The following DNAJC15 variants were observed in gnomAD, a reference collection of about 807,000 sequenced individuals.
DNAJC15 encodes the protein dnaJ homolog subfamily C member 15.
DNAJC15 carries 27 observed loss-of-function variants against 22.4 expected under a neutral mutation model. The ratio of observed to expected loss-of-function variants is 1.20; its 90% CI spans 0.89 to 1.66. The LOEUF is 1.66. Among genes scored for constraint, DNAJC15 ranks in the 40% most tolerant of loss-of-function variants. The pLI is 0.00. For synonymous variants in DNAJC15, 79 were observed against 63.2 expected, an observed-to-expected ratio of 1.25 and a Z score of -1.19; for missense variants, 208 against 187.1, an observed-to-expected ratio of 1.11 and a Z score of -0.65.
Position 43,109,295 on chromosome 13 carries a change from G to A in DNAJC15, c.*2047G>A, listed in dbSNP as rs2040813639. 6.6e-6 allele frequency: 1 copy of A among 152,126 alleles called. No homozygotes were observed. The highest frequency in any genetic ancestry group is 1.5e-5 in the Non-Finnish European group (1 of 68,016). The allele number at this position is 152,126 out of a possible 1,614,324, so 9.4% of individuals were successfully genotyped here. A position where few individuals can be genotyped will look rare whatever the true frequency, so the allele number is the denominator to read the frequency against. The stretch of plus-strand genomic sequence containing the variant: ...TCATACTAAAATGCAAGAACCTTTA[G>A]AGCAAGGATCTTGCCATTCATCTTT... On this transcript the variant is annotated 3_prime_UTR_variant, in exon 6 of 6. Transcript: ENST00000379221.
At position 43,113,796 on chromosome 13, in the gene DNAJC15, G is replaced by A. The variant is rs1412941551; in HGVS notation, c.*6548G>A. 2.0e-5 allele frequency: 3 copies of A among 152,248 alleles called. No homozygotes were observed. The East Asian group carries it at 5.8e-4, about 29-fold the overall frequency. 9.4% of individuals were successfully genotyped at this position (152,248 alleles called of 1,614,324 possible). ...AATGTTTGTGCTTTGGTGGTGAGAT[G>A]TGAGACTATATTTGTATAGTCTGCA... On this transcript the variant is annotated 3_prime_UTR_variant, in exon 6 of 6. Coordinates refer to ENST00000379221, the MANE Select transcript of DNAJC15 (RefSeq NM_013238.3).
Position 43,111,567 on chromosome 13 carries a change from A to G in DNAJC15, c.*4319A>G, listed in dbSNP as rs1218741072. On this transcript the variant is annotated 3_prime_UTR_variant, in exon 6 of 6. Coordinates refer to ENST00000379221, the MANE Select transcript of DNAJC15 (RefSeq NM_013238.3). Reference sequence around the variant, plus strand: ...TATGGTTTAATACCATTTGTGGGAGAAGATGAATCAGCCAGGCTCTTTACG... The same window carrying G: ...TATGGTTTAATACCATTTGTGGGAGGAGATGAATCAGCCAGGCTCTTTACG... 6.6e-6 allele frequency: 1 copy of G among 152,182 alleles called. No individual in the cohort carries two copies. The highest frequency in any genetic ancestry group is 1.5e-5 in the Non-Finnish European group (1 of 68,032). The allele number at this position is 152,182 out of a possible 1,614,324, so 9.4% of individuals were successfully genotyped here. A position where few individuals can be genotyped will look rare whatever the true frequency, so the allele number is the denominator to read the frequency against.
intron 1 of DNAJC15, among the ~76,000 whole-genome samples, chr13:43,051,621 A>T (rs1288217297): frequency 6.7e-6 from 1 of 150,056 alleles, no homozygotes; most frequent in Non-Finnish European, 1.5e-5. Context: ...TTTATGGCTG[A>T]GTAGTACTTC....
intron 1 of DNAJC15, among the ~76,000 whole-genome samples, chr13:43,057,190 CAA>C (rs993923790): frequency 6.6e-6 from 1 of 152,200 alleles, no homozygotes; most frequent in African/African-American, 2.4e-5. Context: ...ACTAGTCTCT[CAA>C]ATACATTTTC....
intron 3 of DNAJC15, among the ~76,000 whole-genome samples, chr13:43,074,689 CAT>C (rs2040624564): frequency 6.6e-6 from 1 of 152,104 alleles, no homozygotes; most frequent in Admixed American, 6.5e-5. Context: ...TTAATTCAAA[CAT>C]AATAATGGAT....
At chr13:43,044,604 G>T (rs528243742) in intron 1 of DNAJC15, among the ~76,000 whole-genome samples, 11 of 152,164 alleles carry the variant, frequency 7.2e-5, no homozygotes, top group African/African-American at 2.7e-4. Flanking sequence ...CCTTTTGGTT[G>T]CAAAGACTTT....
chr13:43,048,534 A>G (rs781120149), intron 1 of DNAJC15, among the ~76,000 whole-genome samples: 24 of 152,228 alleles, frequency 1.6e-4, no homozygotes, highest in Non-Finnish European at 2.8e-4. Context: ...CCCTTGTCCC[A>G]TATCACATAA....
intron 5 of DNAJC15, among the ~76,000 whole-genome samples, chr13:43,090,938 G>A (rs995578355): frequency 6.6e-6 from 1 of 151,856 alleles, no homozygotes; most frequent in Non-Finnish European, 1.5e-5. Flanking sequence ...TCCTGACATC[G>A]TGATCCACCC....
intron 4 of DNAJC15, among the ~76,000 whole-genome samples, chr13:43,082,064 C>T (rs1247970741): frequency 6.6e-6 from 1 of 152,094 alleles, no homozygotes; most frequent in Non-Finnish European, 1.5e-5. Context: ...ATTCAGTTAC[C>T]TCCCACCGGT....
chr13:43,057,093 T>G (rs2040535059), intron 1 of DNAJC15, among the ~76,000 whole-genome samples: 1 of 152,194 alleles, frequency 6.6e-6, no homozygotes, highest in Non-Finnish European at 1.5e-5. Flanking sequence ...CCTACATGAT[T>G]TTTTTGCAAT....
intron 5 of DNAJC15, among the ~76,000 whole-genome samples, chr13:43,095,459 G>C (rs956107203): frequency 3.3e-5 from 5 of 152,140 alleles, no homozygotes; most frequent in African/African-American, 1.2e-4. Context: ...AGTGGAAATA[G>C]AGAATAGGAA....
intron 1 of DNAJC15, among the ~76,000 whole-genome samples, chr13:43,034,802 GGT>G (rs1491336746): frequency 1.3e-5 from 2 of 152,024 alleles, no homozygotes; most frequent in Non-Finnish European, 2.9e-5. Context: ...ACGTTGTGGG[GGT>G]TTTTTTGAGC....
At chr13:43,066,543 AT>A (rs1466613799) in intron 2 of DNAJC15, among the ~76,000 whole-genome samples, 4 of 152,212 alleles carry the variant, frequency 2.6e-5, no homozygotes, top group Non-Finnish European at 4.4e-5. Context: ...AGTCAGTTTT[AT>A]TACATAAGGG....
intron 5 of DNAJC15, among the ~76,000 whole-genome samples, chr13:43,090,942 T>C (rs1221345621): frequency 1.3e-5 from 2 of 152,136 alleles, no homozygotes; most frequent in African/African-American, 4.8e-5. Context: ...GACATCGTGA[T>C]CCACCCACCT....
rs554277829 is a variant in DNAJC15, at chr13:43,107,387, T to C, written c.*139T>C. On this transcript the variant is annotated 3_prime_UTR_variant, in exon 6 of 6. Coordinates refer to ENST00000379221, the MANE Select transcript of DNAJC15 (RefSeq NM_013238.3). ...TCTTATCTTCCACCATTAAGCTGTA[T>C]AACAATAAAATGTTAATAGTCTTGC... The C allele has an allele frequency of 1.2e-4, 65 of 563,476 alleles. No individual in the cohort carries two copies. The highest frequency in any genetic ancestry group is 1.7e-4 in the Admixed American group (4 of 23,590). 34.9% of individuals were successfully genotyped at this position (563,476 alleles called of 1,614,324 possible).
intron 1 of DNAJC15, among the ~76,000 whole-genome samples, chr13:43,064,978 A>AC (rs2040576520): frequency 6.6e-6 from 1 of 152,152 alleles, no homozygotes; most frequent in Non-Finnish European, 1.5e-5. Flanking sequence ...TTGAAAAAAA[A>AC]AAAAAAAGAG....
chr13:43,056,671 T>C (rs1394420410), intron 1 of DNAJC15, among the ~76,000 whole-genome samples: 2 of 152,164 alleles, frequency 1.3e-5, no homozygotes, highest in Non-Finnish European at 2.9e-5. Flanking sequence ...ATTTCTTAGG[T>C]CTAATAGTAA....
At chr13:43,078,584 G>T in intron 3 of DNAJC15, 28 bp from the exon 4 acceptor site, 1 of 1,598,348 alleles carries the variant, frequency 6.3e-7, no homozygotes, top group South Asian at 1.1e-5. Context: ...TGGAACTAAT[G>T]ATTTCTTGCT....
At position 43,114,077 on chromosome 13, in the gene DNAJC15, G is replaced by A. The variant is rs2040836654; in HGVS notation, c.*6829G>A. ...TTAAAATCCAATATGTGAAAATACG[G>A]ATGCACTACAATTAAATAAATAAAA... On this transcript the variant is annotated 3_prime_UTR_variant, in exon 6 of 6. Coordinates refer to ENST00000379221, the MANE Select transcript of DNAJC15 (RefSeq NM_013238.3). 6.6e-6 allele frequency: 1 copy of A among 152,096 alleles called. No homozygotes were observed. Among genetic ancestry groups the A allele is most frequent in the Non-Finnish European group, 1.5e-5 (1 of 68,014 alleles). 9.4% of individuals were successfully genotyped at this position (152,096 alleles called of 1,614,324 possible). A position where few individuals can be genotyped will look rare whatever the true frequency, so the allele number is the denominator to read the frequency against.
Sources: gnomAD v4.1 joint callset for allele counts (sites outside exome capture counted in the v4.1 genomes callset) on GRCh38, gnomAD v4.1.1 for gene constraint, MANE v1.5 for transcripts, NCBI Gene and HGNC (gene_info 2026-07-23, HGNC 2026-07-21) for gene names.